SYT1: variants seen among roughly 807,000 people sequenced by gnomAD.
The protein encoded by SYT1 is synaptotagmin-1.
Under a neutral mutation model 44.8 loss-of-function variants are expected in SYT1, and 8 were observed. The observed-to-expected ratio is 0.18, with a 90% CI of 0.10 to 0.32. The LOEUF is 0.32. SYT1 is among the 10% of genes least tolerant of loss of function. SYT1 has a pLI of 1.00. For synonymous variants in SYT1, 154 were observed against 188.8 expected (o/e 0.82, Z 1.51); for missense variants, 286 against 509.3 (o/e 0.56, Z 4.22).
intron 1 of SYT1, among the ~76,000 whole-genome samples, chr12:78,901,514 A>G (rs1251843864): frequency 6.6e-6 from 1 of 152,162 alleles, no homozygotes; most frequent in Admixed American, 6.6e-5. Context: ...CTGTCTTAGC[A>G]TTAATAAAAC....
At position 79,353,506 on chromosome 12, in the gene SYT1, A is replaced by T. The variant is rs1246676792; in HGVS notation, c.815A>T (p.Glu272Val). ...DLQSAEKEEQ[E>V]KLGDICFSLR... is the part of the protein sequence containing the mutation. Reference sequence around the variant, plus strand: ...CTTTCTTATTGGTTTTCTTAGCAAGAGAAATTGGGTGATATCTGCTTCTCC... The same window carrying T: ...CTTTCTTATTGGTTTTCTTAGCAAGTGAAATTGGGTGATATCTGCTTCTCC... The change falls in exon 9 of 11, where the codon GAG (glutamate) becomes GTG (valine). Residue 272 changes from glutamate (E) to valine (V), a missense_variant. Transcript: ENST00000261205. The T allele has an allele frequency of 6.2e-7, 1 of 1,612,456 alleles. No homozygotes were observed. Among genetic ancestry groups the T allele is most frequent in the Admixed American group, 1.7e-5 (1 of 60,002 alleles).
chr12:79,270,551 A>C (rs1878368545), intron 4 of SYT1, among the ~76,000 whole-genome samples: 1 of 152,206 alleles, frequency 6.6e-6, no homozygotes, highest in African/African-American at 2.4e-5. Context: ...TGTGAAAAAG[A>C]TATGGATTTA....
At chr12:79,191,528 T>C (rs556076839) in intron 3 of SYT1, among the ~76,000 whole-genome samples, 1 of 152,288 alleles carries the variant, frequency 6.6e-6, no homozygotes, top group South Asian at 2.1e-4. Context: ...TGACATCCTG[T>C]TTTTAGTTGC....
intron 9 of SYT1, among the ~76,000 whole-genome samples, chr12:79,391,656 A>AATC (rs139958233): frequency 0.012 from 1,817 of 152,340 alleles, 26 homozygotes; most frequent in African/African-American, 0.034. Flanking sequence ...TATCTTTTGT[A>AATC]ATCATTGAAA....
At chr12:79,407,328 G>A (rs1193768065) in intron 9 of SYT1, among the ~76,000 whole-genome samples, 1 of 152,054 alleles carries the variant, frequency 6.6e-6, no homozygotes, top group African/African-American at 2.4e-5. Flanking sequence ...GTCTCTTCCA[G>A]TTTTGAGAAG....
intron 1 of SYT1, among the ~76,000 whole-genome samples, chr12:78,871,045 A>G (rs977184594): frequency 6.6e-6 from 1 of 152,186 alleles, no homozygotes; most frequent in African/African-American, 2.4e-5. Flanking sequence ...CTGTTAAACC[A>G]TGAGTCAGTA....
At chr12:79,358,814 A>T (rs1341198728) in intron 9 of SYT1, among the ~76,000 whole-genome samples, 1 of 152,160 alleles carries the variant, frequency 6.6e-6, no homozygotes, top group African/African-American at 2.4e-5. Context: ...CTAGAAATGG[A>T]GTCTTCATGG....
chr12:79,115,567 C>A (rs942890887), intron 3 of SYT1, among the ~76,000 whole-genome samples: 14 of 152,118 alleles, frequency 9.2e-5, no homozygotes, highest in Non-Finnish European at 1.8e-4. Context: ...AAATTTTTAA[C>A]CCCCTTAAGT....
At position 79,178,942 on chromosome 12, in the gene SYT1, A is replaced by AAATATATC. The variant is rs1565840821; in HGVS notation, c.-17-38561_-17-38560insAATATATC. Among the ~76,000 whole-genome samples, 247 of 40,450 alleles carry AAATATATC rather than the reference A, an allele frequency of 6.1e-3. 38 individuals are homozygous for AAATATATC. Among genetic ancestry groups the AAATATATC allele is most frequent in the African/African-American group, 0.015 (92 of 6,190 alleles). The allele number at this position is 40,450 out of a possible 152,430, so 26.5% of individuals were successfully genotyped here. A position where few individuals can be genotyped will look rare whatever the true frequency, so the allele number is the denominator to read the frequency against. ...GATATAGATATATCTATATAGATAT[A>AAATATATC]GATATAGATATAGATATAGATATAG... On this transcript the variant is annotated intron_variant, in intron 3 of 10. Coordinates refer to ENST00000261205, the MANE Select transcript of SYT1 (RefSeq NM_005639.3).
chr12:79,415,128 AAAGT>A (rs1292406182), intron 9 of SYT1, among the ~76,000 whole-genome samples: 2 of 152,090 alleles, frequency 1.3e-5, no homozygotes, highest in Non-Finnish European at 2.9e-5. Flanking sequence ...TTAAATTATA[AAAGT>A]AATATGTGTT....
rs1442757054 is a variant in SYT1 at position 79,049,930 on chromosome 12, A to C, written c.-18+2568A>C. On this transcript the variant is annotated intron_variant, in intron 3 of 10. Transcript: ENST00000261205. ...AAAGGTTTTTGTGCTTAAGAAATAT[A>C]AAAGATAAAAATATAAGATGCTTTC... Among the ~76,000 whole-genome samples, 4 of 152,140 alleles carry C rather than the reference A, an allele frequency of 2.6e-5. No individual in the cohort carries two copies. In the South Asian group the frequency reaches 8.3e-4, roughly 32 times the overall value.
chr12:79,004,345 T>C (rs1017924524), intron 2 of SYT1, among the ~76,000 whole-genome samples: 12 of 151,938 alleles, frequency 7.9e-5, no homozygotes, highest in Non-Finnish European at 1.8e-4. Context: ...ACTTCTCTTA[T>C]GTACCTGATC....
intron 1 of SYT1, among the ~76,000 whole-genome samples, chr12:78,880,375 T>G (rs750530612): frequency 6.6e-6 from 1 of 151,664 alleles, no homozygotes; most frequent in Non-Finnish European, 1.5e-5. Context: ...TGTAGTACAT[T>G]TATATCTCCT....
intron 9 of SYT1, among the ~76,000 whole-genome samples, chr12:79,365,760 G>A (rs1423956602): frequency 6.9e-6 from 1 of 144,326 alleles, no homozygotes; most frequent in Non-Finnish European, 1.5e-5. Context: ...AAAGTAAGAT[G>A]CAATTACCCT....
At chr12:78,884,180 C>A (rs1203461429) in intron 1 of SYT1, among the ~76,000 whole-genome samples, 1 of 151,570 alleles carries the variant, frequency 6.6e-6, no homozygotes, top group Non-Finnish European at 1.5e-5. Context: ...CATTTAAAAT[C>A]AACATTCCAT....
At chr12:78,942,357 T>C (rs1878422527) in intron 1 of SYT1, among the ~76,000 whole-genome samples, 1 of 152,218 alleles carries the variant, frequency 6.6e-6, no homozygotes, top group Non-Finnish European at 1.5e-5. Flanking sequence ...TTTTAATTAC[T>C]TGCACATAAT....
At chr12:79,337,124 C>T (rs1339004181) in intron 8 of SYT1, among the ~76,000 whole-genome samples, 3 of 152,130 alleles carry the variant, frequency 2.0e-5, no homozygotes, top group Non-Finnish European at 4.4e-5. Context: ...GTGCCATCCT[C>T]ACTGATAGGT....
intron 3 of SYT1, among the ~76,000 whole-genome samples, chr12:79,212,498 G>GAAAAA (rs5799420): frequency 2.8e-5 from 4 of 142,886 alleles, no homozygotes; most frequent in Non-Finnish European, 1.5e-5. Flanking sequence ...AAAGTAAAAT[G>GAAAAA]AAAAAAAAAA....
intron 3 of SYT1, among the ~76,000 whole-genome samples, chr12:79,158,238 A>G (rs758094920): frequency 6.6e-6 from 1 of 152,138 alleles, no homozygotes; most frequent in Non-Finnish European, 1.5e-5. Flanking sequence ...AGATGGTCCC[A>G]TCTGGGGGTG....
Sources: allele counts gnomAD v4.1 joint callset (sites outside exome capture counted in the v4.1 genomes callset), GRCh38; gene constraint gnomAD v4.1.1; transcripts MANE v1.5; gene names NCBI Gene and HGNC (gene_info 2026-07-23, HGNC 2026-07-21).